Variants in SLC11A2 observed in about 807,000 individuals in gnomAD.
SLC11A2 encodes the protein solute carrier family 11 member 2, also known as natural resistance-associated macrophage protein 2.
Under a neutral mutation model 68.0 loss-of-function variants are expected in SLC11A2, and 38 were observed. That is an observed-to-expected ratio of 0.56 (90% CI 0.43 to 0.73). The LOEUF (loss-of-function observed/expected upper bound fraction) is 0.73, where lower values mean the gene tolerates loss of function less well. Among genes scored for constraint, SLC11A2 ranks in the 30% least tolerant of loss-of-function variants. SLC11A2 has a pLI of 0.00. For synonymous variants in SLC11A2, 242 were observed against 250.6 expected (o/e 0.97, Z 0.32); for missense variants, 517 against 690.5 (o/e 0.75, Z 2.82).
At chr12:50,997,569 A>G (rs1204496671) in intron 8 of SLC11A2, among the ~76,000 whole-genome samples, 2 of 148,810 alleles carry the variant, frequency 1.3e-5, no homozygotes, top group Non-Finnish European at 3.0e-5. Context: ...GTGCATACCT[A>G]TAGTACTAGC....
intron 11 of SLC11A2, 117 bp from the exon 12 acceptor site, chr12:50,993,046 T>A: frequency 8.2e-7 from 1 of 1,224,120 alleles, no homozygotes; most frequent in Non-Finnish European, 1.2e-6. Context: ...CAACACCAAG[T>A]GCTGTGCTGC....
rs1287640491 is a variant in SLC11A2 at position 50,986,052 on chromosome 12, A to G, written c.*2273T>C. Reference sequence around the variant, plus strand: ...GTTTACATACGGTTAAATGGTTACTAAAAGCTCAGTTGTAACCACTCCTAA... The same window carrying G: ...GTTTACATACGGTTAAATGGTTACTGAAAGCTCAGTTGTAACCACTCCTAA... On this transcript the variant is annotated 3_prime_UTR_variant, in exon 16 of 16. Coordinates refer to ENST00000262052, the MANE Select transcript of SLC11A2 (RefSeq NM_000617.3). 3 of 1,239,492 alleles carry G rather than the reference A, an allele frequency of 2.4e-6. No homozygotes were observed. Among genetic ancestry groups the G allele is most frequent in the Non-Finnish European group, 3.1e-6 (3 of 969,380 alleles). 76.8% of individuals were successfully genotyped at this position (1,239,492 alleles called of 1,614,324 possible).
chr12:50,971,840 G>T, the SLC11A2 span, among the ~76,000 whole-genome samples: 1 of 152,214 alleles, frequency 6.6e-6, no homozygotes, highest in Non-Finnish European at 1.5e-5. Flanking sequence ...GGATAAGAAA[G>T]ATGTAAGAAT....
chr12:50,975,867 T>C (rs527859195), downstream of SLC11A2, among the ~76,000 whole-genome samples: 113 of 152,288 alleles, frequency 7.4e-4, no homozygotes, highest in Non-Finnish European at 6.5e-4. Flanking sequence ...TGAACACCCC[T>C]ACGCAAATAA....
rs1024646870 is a variant in SLC11A2 at position 50,997,065 on chromosome 12, C to T, written c.676-93G>A. The stretch of plus-strand genomic sequence containing the variant: ...AACAGTTAGCATCCTTTATCCCTTA[C>T]AATGCCTTCTTCCTTATTTTTATAT... On this transcript the variant is annotated intron_variant, in intron 8 of 15. Coordinates refer to ENST00000262052, the MANE Select transcript of SLC11A2 (RefSeq NM_000617.3). 1.3e-5 allele frequency: 13 copies of T among 964,278 alleles called. No homozygotes were observed. The African/African-American group carries it at 1.9e-4, about 14-fold the overall frequency. The allele number at this position is 964,278 out of a possible 1,614,324, so 59.7% of individuals were successfully genotyped here. A position where few individuals can be genotyped will look rare whatever the true frequency, so the allele number is the denominator to read the frequency against.
chr12:50,953,486 T>A, the SLC11A2 span, among the ~76,000 whole-genome samples: 3 of 152,232 alleles, frequency 2.0e-5, no homozygotes, highest in Admixed American at 1.3e-4. Context: ...TGGCACACAG[T>A]AGGTGCTTGG....
At chr12:50,999,625 T>G (rs1351554083) in intron 6 of SLC11A2, 2 of 588,884 alleles carry the variant, frequency 3.4e-6, no homozygotes, top group African/African-American at 3.7e-5. Flanking sequence ...GAGTCTACTA[T>G]GTCACTCTTA....
downstream of SLC11A2, among the ~76,000 whole-genome samples, chr12:50,977,485 A>C (rs1005893883): frequency 7.2e-5 from 11 of 152,226 alleles, no homozygotes; most frequent in East Asian, 1.9e-4. Flanking sequence ...CACCTTATAC[A>C]AAAATTAATT....
chr12:50,953,924 TG>T, the SLC11A2 span: 1 of 832,458 alleles, frequency 1.2e-6, no homozygotes, highest in Non-Finnish European at 2.0e-6. Context: ...AAGAGTATGA[TG>T]GGAGAGGAAA....
At chr12:51,012,383 C>T (rs1038091773) in intron 1 of SLC11A2, among the ~76,000 whole-genome samples, 3 of 152,166 alleles carry the variant, frequency 2.0e-5, no homozygotes, top group Admixed American at 6.5e-5. Flanking sequence ...TTATCTACTT[C>T]TCAGTTGATT....
In SLC11A2 at chr12:50,987,424, T is replaced by G. The variant is rs1940696527; in HGVS notation, c.*901A>C. On this transcript the variant is annotated 3_prime_UTR_variant, in exon 16 of 16. Transcript: ENST00000262052. ...AACAAAATAGATGGCTCTCCTCCCTTAAAGTCTTTTCTCCCCACCCTCAAC... is the reference window on the plus strand; with the variant it reads ...AACAAAATAGATGGCTCTCCTCCCTGAAAGTCTTTTCTCCCCACCCTCAAC... 1 of 1,287,082 alleles carries G rather than the reference T, an allele frequency of 7.8e-7. No individual in the cohort carries two copies. Among genetic ancestry groups the G allele is most frequent in the African/African-American group, 1.5e-5 (1 of 65,776 alleles). The allele number at this position is 1,287,082 out of a possible 1,614,324, so 79.7% of individuals were successfully genotyped here. A position where few individuals can be genotyped will look rare whatever the true frequency, so the allele number is the denominator to read the frequency against.
the SLC11A2 span, among the ~76,000 whole-genome samples, chr12:50,972,608 C>T: frequency 1.5e-4 from 23 of 152,292 alleles, no homozygotes; most frequent in African/African-American, 5.3e-4. Context: ...ACTGAGGTAC[C>T]GGGTTCATCT....
chr12:50,994,853 T>A (rs909471452), intron 10 of SLC11A2: 5 of 551,524 alleles, frequency 9.1e-6, no homozygotes, highest in Non-Finnish European at 1.6e-5. Flanking sequence ...TGAGTTACAG[T>A]GTGCATGGTA....
intron 1 of SLC11A2, among the ~76,000 whole-genome samples, chr12:51,011,152 G>A (rs1174566248): frequency 1.3e-5 from 2 of 149,816 alleles, no homozygotes; most frequent in East Asian, 4.0e-4. Flanking sequence ...TCTTTGAGTC[G>A]GAGTCTTGCT....
chr12:51,010,049 C>G (rs530501088), intron 2 of SLC11A2, among the ~76,000 whole-genome samples: 1 of 151,642 alleles, frequency 6.6e-6, no homozygotes, highest in Non-Finnish European at 1.5e-5. Flanking sequence ...CCGGGCGTGG[C>G]GGCAGGTGCC....
chr12:50,997,430 G>A lies in SLC11A2; in HGVS notation c.676-458C>T, dbSNP rs146580214. Among the ~76,000 whole-genome samples, 864 of 152,168 alleles carry A rather than the reference G, an allele frequency of 5.7e-3. 4 individuals carry two copies. The highest frequency in any genetic ancestry group is 0.035 in the East Asian group (183 of 5,172). ...AATTTCTAAAGAAAGGGCTGGGTGC[G>A]GTGGCTCACGCCTATAATCCCAGCA... On this transcript the variant is annotated intron_variant, in intron 8 of 15. Coordinates refer to ENST00000262052, the MANE Select transcript of SLC11A2 (RefSeq NM_000617.3).
chr12:51,026,930 A>C (rs1944418523), upstream of SLC11A2, among the ~76,000 whole-genome samples: 1 of 151,988 alleles, frequency 6.6e-6, no homozygotes, highest in Admixed American at 6.6e-5. Context: ...TACTCCCAGC[A>C]CTTTGGAGGG....
chr12:50,973,988 G>A, the SLC11A2 span, among the ~76,000 whole-genome samples: 1 of 152,194 alleles, frequency 6.6e-6, no homozygotes, highest in Non-Finnish European at 1.5e-5. Flanking sequence ...ATGGGACTAT[G>A]TGAAAAGACC....
the SLC11A2 span, among the ~76,000 whole-genome samples, chr12:50,963,450 C>G: frequency 1.3e-5 from 2 of 150,914 alleles, no homozygotes; most frequent in Non-Finnish European, 2.9e-5. Flanking sequence ...CAAAGATGAG[C>G]TAGAACAATA....
Sources: gnomAD v4.1 joint callset for allele counts (sites outside exome capture counted in the v4.1 genomes callset) on GRCh38, gnomAD v4.1.1 for gene constraint, MANE v1.5 for transcripts, NCBI Gene and HGNC (gene_info 2026-07-23, HGNC 2026-07-21) for gene names.